The following SEPTIN11 variants were observed in gnomAD, a reference collection of about 807,000 sequenced individuals.
The protein encoded by SEPTIN11 is septin-11.
Under a neutral mutation model 51.4 loss-of-function variants are expected in SEPTIN11, and 25 were observed. That is an observed-to-expected ratio of 0.49 (90% CI 0.35 to 0.68). The LOEUF (loss-of-function observed/expected upper bound fraction) is 0.68. SEPTIN11 is among the 30% of genes least tolerant of loss of function. The pLI, the probability that SEPTIN11 is intolerant of heterozygous loss-of-function variation, is 0.00. For synonymous variants in SEPTIN11, 174 were observed against 184.1 expected (o/e 0.95, Z 0.44); for missense variants, 381 against 520.8 (o/e 0.73, Z 2.61).
chr4:76,961,178 A>G (rs1721812419), intron 1 of SEPTIN11, among the ~76,000 whole-genome samples: 1 of 152,204 alleles, frequency 6.6e-6, no homozygotes, highest in South Asian at 2.1e-4. Context: ...ATTCAGAAAT[A>G]ATAAGGCCCA....
At chr4:76,985,796 T>A (rs1030859846) in intron 1 of SEPTIN11, among the ~76,000 whole-genome samples, 4 of 152,234 alleles carry the variant, frequency 2.6e-5, no homozygotes, top group Non-Finnish European at 4.4e-5. Context: ...TGTACCTGTT[T>A]CCTTATCTGA....
intron 1 of SEPTIN11, among the ~76,000 whole-genome samples, chr4:76,991,209 A>G (rs923394436): frequency 6.6e-6 from 1 of 152,216 alleles, no homozygotes; most frequent in Non-Finnish European, 1.5e-5. Context: ...GTTAAGTGCT[A>G]GGCACTCTCA....
chr4:76,963,780 T>C lies in SEPTIN11; in HGVS notation c.27+13850T>C, dbSNP rs142735920. Among the ~76,000 whole-genome samples, 293 of 152,346 alleles carry C rather than the reference T, an allele frequency of 1.9e-3. 2 individuals carry two copies. Among genetic ancestry groups the C allele is most frequent in the African/African-American group, 6.8e-3 (282 of 41,588 alleles). On this transcript the variant is annotated intron_variant, in intron 1 of 9. Coordinates refer to ENST00000264893, the MANE Select transcript of SEPTIN11 (RefSeq NM_018243.4). ...GTATTTATAGTCTGATCTTTCTCTTTTTTCCAAGAAAAACTTTATTTATTT... is the reference window on the plus strand; with the variant it reads ...GTATTTATAGTCTGATCTTTCTCTTCTTTCCAAGAAAAACTTTATTTATTT...
rs143850468 is a variant in SEPTIN11 at position 76,983,823 on chromosome 4, C to T, written c.28-12602C>T. Among the ~76,000 whole-genome samples the T allele has an allele frequency of 9.5e-3, 1,441 of 152,218 alleles. 19 individuals carry two copies. Among genetic ancestry groups the T allele is most frequent in the African/African-American group, 0.033 (1,363 of 41,530 alleles). The stretch of plus-strand genomic sequence containing the variant: ...AGGAGTTCAAAACCAGCCTGGCCAA[C>T]GTGGTGAAACCCCGTGTCTACTAAA... On this transcript the variant is annotated intron_variant, in intron 1 of 9. Transcript: ENST00000264893.
At chr4:76,991,995 C>A (rs1723407104) in intron 1 of SEPTIN11, among the ~76,000 whole-genome samples, 1 of 152,174 alleles carries the variant, frequency 6.6e-6, no homozygotes, top group Admixed American at 6.5e-5. Flanking sequence ...TAGTCATAAT[C>A]CATTTCAAGA....
chr4:76,968,842 G>A (rs911747427), intron 1 of SEPTIN11, among the ~76,000 whole-genome samples: 1 of 152,196 alleles, frequency 6.6e-6, no homozygotes, highest in African/African-American at 2.4e-5. Flanking sequence ...ATGGTAGCTT[G>A]AGCAAAATGG....
At chr4:76,978,925 T>G (rs1722629044) in intron 1 of SEPTIN11, among the ~76,000 whole-genome samples, 1 of 152,136 alleles carries the variant, frequency 6.6e-6, no homozygotes, top group South Asian at 2.1e-4. Context: ...CTCTTAAACT[T>G]CACTTCCTCC....
At chr4:76,999,925 TA>T (rs1179334901) in intron 2 of SEPTIN11, among the ~76,000 whole-genome samples, 1 of 152,236 alleles carries the variant, frequency 6.6e-6, no homozygotes, top group East Asian at 1.9e-4. Flanking sequence ...AAGCCTTTCA[TA>T]TTTTACCCAT....
intron 1 of SEPTIN11, among the ~76,000 whole-genome samples, chr4:76,951,312 T>C (rs1721333248): frequency 6.6e-6 from 1 of 152,224 alleles, no homozygotes; most frequent in Non-Finnish European, 1.5e-5. Flanking sequence ...AGCGGTCATA[T>C]CGAATCATGA....
intron 8 of SEPTIN11, among the ~76,000 whole-genome samples, chr4:77,029,222 C>T (rs1406953644): frequency 6.6e-6 from 1 of 152,204 alleles, no homozygotes; most frequent in Admixed American, 6.5e-5. Context: ...TCTGCCCTCA[C>T]GGGGCTTGCA....
chr4:76,954,221 G>C (rs1721466258), intron 1 of SEPTIN11, among the ~76,000 whole-genome samples: 1 of 152,216 alleles, frequency 6.6e-6, no homozygotes, highest in South Asian at 2.1e-4. Context: ...GATTTAGACT[G>C]TGGCGCAGCC....
intron 1 of SEPTIN11, among the ~76,000 whole-genome samples, chr4:76,981,790 T>C (rs1346553642): frequency 3.3e-5 from 5 of 151,938 alleles, no homozygotes; most frequent in Non-Finnish European, 7.4e-5. Context: ...TCAAATAGCT[T>C]ACCATTTGGA....
intron 1 of SEPTIN11, among the ~76,000 whole-genome samples, chr4:76,968,678 GC>G (rs1417915649): frequency 1.3e-5 from 2 of 152,064 alleles, no homozygotes; most frequent in Non-Finnish European, 2.9e-5. Context: ...TTTTTAAGAA[GC>G]AAAAAGCCAG....
chr4:76,986,700 A>C (rs1723052013), intron 1 of SEPTIN11, among the ~76,000 whole-genome samples: 1 of 152,232 alleles, frequency 6.6e-6, no homozygotes, highest in Non-Finnish European at 1.5e-5. Flanking sequence ...TTCTACTATT[A>C]GAAAAATTAA....
At chr4:76,970,606 C>T (rs1722199822) in intron 1 of SEPTIN11, among the ~76,000 whole-genome samples, 1 of 152,164 alleles carries the variant, frequency 6.6e-6, no homozygotes, top group African/African-American at 2.4e-5. Context: ...AATGAATTGG[C>T]TTAAGATTTT....
At chr4:77,020,419 A>G (rs1725619113) in intron 6 of SEPTIN11, 83 bp from the exon 7 acceptor site, 1 of 1,507,756 alleles carries the variant, frequency 6.6e-7, no homozygotes, top group Non-Finnish European at 9.1e-7. Flanking sequence ...AGTGATGGTA[A>G]TAACATCTTG....
intron 1 of SEPTIN11, among the ~76,000 whole-genome samples, chr4:76,994,828 A>T (rs756674730): frequency 6.9e-6 from 1 of 144,848 alleles, no homozygotes; most frequent in Non-Finnish European, 1.5e-5. Flanking sequence ...CACCCTCTTG[A>T]TTATGTAACA....
In SEPTIN11 at chr4:77,036,327, A is replaced by G; in HGVS notation, c.*1815A>G. The G allele has an allele frequency of 9.7e-7, 1 of 1,035,170 alleles. No homozygotes were observed. Among genetic ancestry groups the G allele is most frequent in the Non-Finnish European group, 1.2e-6 (1 of 860,804 alleles). The allele number at this position is 1,035,170 out of a possible 1,614,324, so 64.1% of individuals were successfully genotyped here. ...GGAGCTAACTGTGGAGCAGCCAAAT[A>G]GTAGCTGGCATGTTGATTCAAACCA... On this transcript the variant is annotated 3_prime_UTR_variant, in exon 10 of 10. Coordinates refer to ENST00000264893, the MANE Select transcript of SEPTIN11 (RefSeq NM_018243.4).
intron 8 of SEPTIN11, among the ~76,000 whole-genome samples, chr4:77,029,919 G>A (rs979492157): frequency 3.3e-5 from 5 of 152,000 alleles, no homozygotes; most frequent in Admixed American, 1.3e-4. Context: ...AAGGACCAGA[G>A]GTAAAGAACC....
Sources: allele counts gnomAD v4.1 joint callset (sites outside exome capture counted in the v4.1 genomes callset), GRCh38; gene constraint gnomAD v4.1.1; transcripts MANE v1.5; gene names NCBI Gene and HGNC (gene_info 2026-07-23, HGNC 2026-07-21).